ZFAT: variants seen among roughly 807,000 people sequenced by gnomAD.
ZFAT encodes the protein zinc finger protein ZFAT.
ZFAT carries 64 observed loss-of-function variants against 117.7 expected under a neutral mutation model. The observed-to-expected ratio is 0.54, with a 90% CI of 0.44 to 0.67. ZFAT has a LOEUF of 0.67. Ranked by LOEUF, ZFAT falls within the 30% of genes least tolerant of loss-of-function variation. The pLI is 0.00. For synonymous variants in ZFAT, 679 were observed against 615.0 expected (o/e 1.10, Z -1.54); for missense variants, 1,433 against 1,584.5 (o/e 0.90, Z 1.62).
At chr8:134,590,225 C>T (rs767982478) in intron 8 of ZFAT, 43 bp downstream of exon 8, 2 of 1,462,798 alleles carry the variant, frequency 1.4e-6, no homozygotes, top group East Asian at 4.6e-5. Flanking sequence ...TAAACATAAG[C>T]ATTTTTAACA....
At chr8:134,777,580 C>T in the ZFAT span, among the ~76,000 whole-genome samples, 1 of 152,112 alleles carries the variant, frequency 6.6e-6, no homozygotes, top group Non-Finnish European at 1.5e-5. Flanking sequence ...AAAAAAAATG[C>T]CTAATGGTGT....
chr8:134,558,185 G>C (rs1823790203), intron 11 of ZFAT, among the ~76,000 whole-genome samples: 1 of 152,204 alleles, frequency 6.6e-6, no homozygotes, highest in Non-Finnish European at 1.5e-5. Context: ...CAAGAGGCCA[G>C]AGTTTCTCCT....
intron 1 of ZFAT, among the ~76,000 whole-genome samples, chr8:134,660,688 C>A (rs1831883048): frequency 6.6e-6 from 1 of 152,226 alleles, no homozygotes; most frequent in African/African-American, 2.4e-5. Flanking sequence ...CTAGGATGCT[C>A]TCAGGAAAAT....
chr8:134,696,305 G>T, intron 1 of ZFAT: 1 of 887,954 alleles, frequency 1.1e-6, no homozygotes, highest in Non-Finnish European at 1.3e-6. Context: ...ACCCTGCAAA[G>T]CAGTACAGCG....
upstream of ZFAT, among the ~76,000 whole-genome samples, chr8:134,717,392 A>AAGG (rs1316169757): frequency 6.7e-6 from 1 of 148,714 alleles, no homozygotes; most frequent in Admixed American, 6.7e-5. Flanking sequence ...GTGGTCCAAT[A>AAGG]AGGGCAGTCC....
intron 1 of ZFAT, among the ~76,000 whole-genome samples, chr8:134,682,377 C>T (rs189845217): frequency 1.3e-5 from 2 of 152,316 alleles, no homozygotes; most frequent in Non-Finnish European, 2.9e-5. Context: ...TAAGTCTGGC[C>T]GGGCACGGTG....
At chr8:134,751,853 G>T in the ZFAT span, among the ~76,000 whole-genome samples, 1 of 152,202 alleles carries the variant, frequency 6.6e-6, no homozygotes, top group Non-Finnish European at 1.5e-5. Flanking sequence ...TCCAGAGGAA[G>T]CTGATTCATT....
At chr8:134,657,311 C>T (rs1831666496) in intron 2 of ZFAT, among the ~76,000 whole-genome samples, 1 of 152,212 alleles carries the variant, frequency 6.6e-6, no homozygotes, top group South Asian at 2.1e-4. Context: ...TGACAACAAG[C>T]TCATGTTTTT....
chr8:134,763,503 T>G, the ZFAT span, among the ~76,000 whole-genome samples: 1 of 152,220 alleles, frequency 6.6e-6, no homozygotes, highest in Admixed American at 6.5e-5. Context: ...AAATTCAGCC[T>G]TCTTCATCTC....
At chr8:134,534,131 A>C (rs1213927626) in intron 11 of ZFAT, among the ~76,000 whole-genome samples, 1 of 152,212 alleles carries the variant, frequency 6.6e-6, no homozygotes, top group East Asian at 1.9e-4. Flanking sequence ...CAAGTCCTGA[A>C]ACTTCTCTTA....
the ZFAT span, among the ~76,000 whole-genome samples, chr8:134,720,628 G>A: frequency 6.6e-6 from 1 of 152,248 alleles, no homozygotes; most frequent in East Asian, 1.9e-4. Context: ...CAAGGAGGAC[G>A]ATCCAGGGCG....
chr8:134,642,080 G>A (rs903412426), intron 2 of ZFAT, among the ~76,000 whole-genome samples: 7 of 152,216 alleles, frequency 4.6e-5, no homozygotes, highest in African/African-American at 1.2e-4. Context: ...CTTAAGAGAT[G>A]GATGCAGCAA....
chr8:134,509,270 T>G (rs1231133855), intron 15 of ZFAT, among the ~76,000 whole-genome samples: 1 of 152,204 alleles, frequency 6.6e-6, no homozygotes, highest in African/African-American at 2.4e-5. Flanking sequence ...TAGCTCAATT[T>G]ACTAATGGCG....
At chr8:134,657,416 T>C in intron 2 of ZFAT, 145 bp downstream of exon 2, 2 of 839,498 alleles carry the variant, frequency 2.4e-6, no homozygotes, top group South Asian at 4.4e-5. Flanking sequence ...GGCACAATCT[T>C]ATTTGAGCAT....
At chr8:134,649,203 C>CACACACA (rs35498428) in intron 2 of ZFAT, among the ~76,000 whole-genome samples, 8,345 of 143,766 alleles carry the variant, frequency 0.058, 366 homozygotes, top group East Asian at 0.19. Flanking sequence ...ACACACACAC[C>CACACACA]CCATCATACT....
chr8:134,642,358 T>C (rs1044167266), intron 2 of ZFAT, among the ~76,000 whole-genome samples: 1 of 152,170 alleles, frequency 6.6e-6, no homozygotes, highest in Non-Finnish European at 1.5e-5. Flanking sequence ...TGAGCCTCCG[T>C]TTCCAATGCG....
chr8:134,735,191 T>C, the ZFAT span, among the ~76,000 whole-genome samples: 1 of 152,162 alleles, frequency 6.6e-6, no homozygotes. Flanking sequence ...TTGGGGGATA[T>C]AAAAACACTC....
At chr8:134,790,948 G>A in the ZFAT span, among the ~76,000 whole-genome samples, 1 of 152,142 alleles carries the variant, frequency 6.6e-6, no homozygotes, top group Non-Finnish European at 1.5e-5. Context: ...CCAGGAAATT[G>A]AGGCTGCAGT....
the ZFAT span, chr8:134,800,557 A>G: frequency 1.4e-5 from 7 of 517,860 alleles, no homozygotes; most frequent in African/African-American, 1.2e-4. Flanking sequence ...CTCCCAGCCA[A>G]TCCATGTATT....
Sources: gnomAD v4.1 joint callset for allele counts (sites outside exome capture counted in the v4.1 genomes callset) on GRCh38, gnomAD v4.1.1 for gene constraint, MANE v1.5 for transcripts, NCBI Gene and HGNC (gene_info 2026-07-23, HGNC 2026-07-21) for gene names.